SOS1: variants seen among roughly 807,000 people sequenced by gnomAD.
SOS1 encodes SOS Ras/Rac guanine nucleotide exchange factor 1, also known as son of sevenless homolog 1.
SOS1 carries 25 observed loss-of-function variants against 157.6 expected under a neutral mutation model. That is an observed-to-expected ratio of 0.16 (90% CI 0.12 to 0.22). SOS1 has a LOEUF of 0.22. Among genes scored for constraint, SOS1 ranks in the 10% least tolerant of loss-of-function variants. The pLI is 1.00. For missense variants in SOS1, 1,237 were observed against 1,599.1 expected (o/e 0.77, Z 3.86); for synonymous variants, 528 against 534.0 (o/e 0.99, Z 0.16).
At chr2:39,001,000 T>C (rs552480100) in intron 17 of SOS1, among the ~76,000 whole-genome samples, 1 of 152,214 alleles carries the variant, frequency 6.6e-6, no homozygotes, top group Non-Finnish European at 1.5e-5. Flanking sequence ...GCAAAGCCAA[T>C]GCTAAAGGCT....
At position 38,989,230 on chromosome 2, in the gene SOS1, C is replaced by A. The variant is rs556215881; in HGVS notation, c.3391+40G>T. The A allele has an allele frequency of 8.3e-6, 12 of 1,443,178 alleles. No individual in the cohort carries two copies. In the South Asian group the frequency reaches 1.1e-4, roughly 14 times the overall value. The allele number at this position is 1,443,178 out of a possible 1,614,324, so 89.4% of individuals were successfully genotyped here. On this transcript the variant is annotated intron_variant, in intron 21 of 22. Coordinates refer to ENST00000402219, the MANE Select transcript of SOS1 (RefSeq NM_005633.4). The stretch of plus-strand genomic sequence containing the variant: ...GTTACACTTGGTTTGATTTTTAAAG[C>A]CAAAGCAAGAATTATGAGTCTTAAA...
intron 4 of SOS1, among the ~76,000 whole-genome samples, chr2:39,055,159 C>G (rs988687705): frequency 2.6e-5 from 4 of 152,168 alleles, no homozygotes; most frequent in African/African-American, 9.7e-5. Context: ...GCCATCATCA[C>G]TTTATTCCAT....
intron 1 of SOS1, among the ~76,000 whole-genome samples, chr2:39,094,467 G>A (rs1187547345): frequency 6.6e-6 from 1 of 152,008 alleles, no homozygotes; most frequent in Non-Finnish European, 1.5e-5. Context: ...CCAAGATGGT[G>A]AAACCCCGTC....
chr2:39,078,737 T>C (rs1258771057), intron 1 of SOS1, among the ~76,000 whole-genome samples: 2 of 152,114 alleles, frequency 1.3e-5, no homozygotes, highest in Non-Finnish European at 2.9e-5. Flanking sequence ...GGAAAAATTG[T>C]CTTCCACAAA....
At chr2:39,045,273 AGTGTGT>A (rs60673777) in intron 6 of SOS1, among the ~76,000 whole-genome samples, 9 of 108,090 alleles carry the variant, frequency 8.3e-5, no homozygotes, top group African/African-American at 3.1e-4. Flanking sequence ...AGAGAGAGAG[AGTGTGT>A]GTGTGTGTGT....
At chr2:39,083,496 G>A (rs565844917) in intron 1 of SOS1, among the ~76,000 whole-genome samples, 3 of 152,320 alleles carry the variant, frequency 2.0e-5, no homozygotes, top group East Asian at 3.9e-4. Context: ...AGTGGCCTTT[G>A]GAGAAGAATA....
At position 39,014,007 on chromosome 2, in the gene SOS1, A is replaced by T; in HGVS notation, c.1941-18T>A. The T allele has an allele frequency of 6.3e-7, 1 of 1,577,186 alleles. No individual in the cohort carries two copies. ...TTTCAAACCTAACATAAAATAGAACAAATTAATGAAAAGACTAATTATATC... is the reference window on the plus strand; with the variant it reads ...TTTCAAACCTAACATAAAATAGAACTAATTAATGAAAAGACTAATTATATC... On this transcript the variant is annotated intron_variant, in intron 11 of 22. Coordinates refer to ENST00000402219, the MANE Select transcript of SOS1 (RefSeq NM_005633.4).
In SOS1 at chr2:39,022,772, C is replaced by A. The variant is rs267607079; in HGVS notation, c.1656G>T (p.Arg552Ser). ...CCTGTAGCATTGTTACATCAAGCATCCTTTCCAGTGTACTCCGGTACTGTA... is the reference window on the plus strand; with the variant it reads ...CCTGTAGCATTGTTACATCAAGCATACTTTCCAGTGTACTCCGGTACTGTA... ...ISLQYRSTLE[R>S]MLDVTMLQEE... Residue 552 changes from arginine (R) to serine (S), a missense_variant, in exon 10 of 23, where the codon AGG becomes AGT. By Grantham distance (110) the Arg-to-Ser change is moderately radical. Around this residue, in one of 15 missense-constraint regions of SOS1, gnomAD observed 210 missense variants for 220.2 expected, o/e 0.95. Transcript: ENST00000402219. The A allele has an allele frequency of 6.2e-7, 1 of 1,613,648 alleles. No homozygotes were observed. The highest frequency in any genetic ancestry group is 8.5e-7 in the Non-Finnish European group (1 of 1,179,648).
chr2:39,120,537 GC>G lies in SOS1; in HGVS notation c.-116del, dbSNP rs1673838020. The G allele has an allele frequency of 4.6e-6, 5 of 1,091,556 alleles. 1 individual carries two copies. In the South Asian group the frequency reaches 1.8e-4, roughly 38 times the overall value. 67.6% of individuals were successfully genotyped at this position (1,091,556 alleles called of 1,614,324 possible). ...GGCCGCGGCCCCACCGGACGGCCCG[GC>G]CCCCTCCGGGCGCCGCGCAGCCGGG... is the stretch of plus-strand genomic sequence containing the variant. On this transcript the variant is annotated 5_prime_UTR_variant, in exon 1 of 23. Coordinates refer to ENST00000402219, the MANE Select transcript of SOS1 (RefSeq NM_005633.4).
chr2:39,114,687 C>G (rs1014131836), intron 1 of SOS1, among the ~76,000 whole-genome samples: 1 of 152,058 alleles, frequency 6.6e-6, no homozygotes, highest in Non-Finnish European at 1.5e-5. Context: ...TCACTGAAGC[C>G]TCCAACTCCC....
At chr2:39,110,313 A>G (rs769387712) in intron 1 of SOS1, among the ~76,000 whole-genome samples, 1 of 152,194 alleles carries the variant, frequency 6.6e-6, no homozygotes, top group African/African-American at 2.4e-5. Context: ...GACCAAAAAA[A>G]TCTGTACAAA....
intron 5 of SOS1, among the ~76,000 whole-genome samples, chr2:39,052,765 GT>G (rs1572856076): frequency 6.6e-6 from 1 of 152,170 alleles, no homozygotes; most frequent in African/African-American, 2.4e-5. Context: ...TCATGAACCA[GT>G]TTTTGCATGG....
intron 1 of SOS1, chr2:39,098,582 T>TTAC: frequency 6.5e-6 from 1 of 152,782 alleles, no homozygotes; most frequent in Non-Finnish European, 1.5e-5. Flanking sequence ...GATAAGGAAC[T>TTAC]TACATTCAGA....
At chr2:39,090,918 G>T (rs182791174) in intron 1 of SOS1, among the ~76,000 whole-genome samples, 85 of 152,170 alleles carry the variant, frequency 5.6e-4, no homozygotes, top group African/African-American at 1.9e-3. Context: ...ACCCAAGCTG[G>T]AGTGCAGTGT....
intron 6 of SOS1, among the ~76,000 whole-genome samples, 199 bp from the exon 7 acceptor site, chr2:39,035,699 A>G (rs1356925673): frequency 1.3e-5 from 2 of 152,186 alleles, no homozygotes; most frequent in Non-Finnish European, 2.9e-5. Flanking sequence ...GTTCTTTCTG[A>G]TGAATAATAA....
At chr2:39,116,971 C>G (rs868574147) in intron 1 of SOS1, among the ~76,000 whole-genome samples, 3 of 151,986 alleles carry the variant, frequency 2.0e-5, no homozygotes, top group Non-Finnish European at 4.4e-5. Flanking sequence ...TCTCTCCAGA[C>G]ATGCCCTGCC....
rs1260912749 is a variant in SOS1 at position 38,984,418 on chromosome 2, AG to A, written c.*1405del. 1.3e-5 allele frequency: 2 copies of A among 152,228 alleles called. No homozygotes were observed. The highest frequency in any genetic ancestry group is 4.8e-5 in the African/African-American group (2 of 41,468). The allele number at this position is 152,228 out of a possible 1,614,324, so 9.4% of individuals were successfully genotyped here. A position where few individuals can be genotyped will look rare whatever the true frequency, so the allele number is the denominator to read the frequency against. ...GTTCTATTATGAATAGTTTTGATAA[AG>A]CAGAAAACCTCAAGCAAGGTAGAAT... On this transcript the variant is annotated 3_prime_UTR_variant, in exon 23 of 23. Transcript: ENST00000402219.
At chr2:39,099,990 TACAGGCATGAGCC>T (rs1323738209) in intron 1 of SOS1, among the ~76,000 whole-genome samples, 1 of 152,212 alleles carries the variant, frequency 6.6e-6, no homozygotes, top group African/African-American at 2.4e-5. Flanking sequence ...GTGCTGGGAT[TACAGGCATGAGCC>T]ACTGTGCCCG....
At chr2:39,034,203 C>T (rs373345058) in intron 8 of SOS1, among the ~76,000 whole-genome samples, 2 of 152,282 alleles carry the variant, frequency 1.3e-5, no homozygotes, top group South Asian at 4.1e-4. Flanking sequence ...TGTAAACATT[C>T]CTAATTGAGA....
Sources: allele counts gnomAD v4.1 joint callset (sites outside exome capture counted in the v4.1 genomes callset), GRCh38; gene constraint gnomAD v4.1.1; regional missense constraint gnomAD v4.1.1; transcripts MANE v1.5; gene names NCBI Gene and HGNC (gene_info 2026-07-23, HGNC 2026-07-21).